The following WASF2 variants were observed in gnomAD, a reference collection of about 807,000 sequenced individuals.
WASF2 encodes the protein actin-binding protein WASF2.
WASF2 carries 14 observed loss-of-function variants against 45.0 expected under a neutral mutation model. The observed-to-expected ratio is 0.31, with a 90% CI of 0.21 to 0.49. The LOEUF (loss-of-function observed/expected upper bound fraction) is 0.49. WASF2 is among the 20% of genes least tolerant of loss of function. The pLI, the probability that WASF2 is intolerant of heterozygous loss-of-function variation, is 0.99. For synonymous variants in WASF2, 200 were observed against 236.3 expected, an observed-to-expected ratio of 0.85 and a Z score of 1.41; for missense variants, 439 against 636.1, an observed-to-expected ratio of 0.69 and a Z score of 3.33.
At chr1:27,459,595 A>G (rs777032352) in intron 1 of WASF2, 2 of 152,224 alleles carry the variant, frequency 1.3e-5, no homozygotes, top group Admixed American at 6.5e-5. Flanking sequence ...AAAAATAAAA[A>G]TGTAATCAAG....
chr1:27,421,498 C>A (rs2016907365), intron 2 of WASF2, among the ~76,000 whole-genome samples: 1 of 151,754 alleles, frequency 6.6e-6, no homozygotes, highest in Non-Finnish European at 1.5e-5. Context: ...GGCAATATGG[C>A]AAAACCCTGC....
intron 1 of WASF2, among the ~76,000 whole-genome samples, chr1:27,478,720 T>C (rs2017805123): frequency 6.6e-6 from 1 of 151,988 alleles, no homozygotes; most frequent in African/African-American, 2.4e-5. Context: ...GTAGCTGGGA[T>C]TACAGGCATC....
At chr1:27,412,112 A>G (rs978019305) in intron 7 of WASF2, among the ~76,000 whole-genome samples, 5 of 152,250 alleles carry the variant, frequency 3.3e-5, no homozygotes, top group Admixed American at 1.3e-4. Flanking sequence ...GAGGACTCCT[A>G]TGAGAATTAA....
intron 2 of WASF2, among the ~76,000 whole-genome samples, chr1:27,425,838 C>CAAAAAAA (rs57916899): frequency 3.8e-4 from 19 of 50,596 alleles, no homozygotes; most frequent in African/African-American, 1.6e-3. Context: ...GACTCCGTCT[C>CAAAAAAA]AAAAAAAAAA....
rs930955485 is a variant in WASF2, at chr1:27,423,142, A to G, written c.131-4054T>C. ...GGCAACGGAGTGAGACTCCATCTCAAAAAAAAAAAAAAAAAAAGTGTTAAT... is the reference window on the plus strand; with the variant it reads ...GGCAACGGAGTGAGACTCCATCTCAGAAAAAAAAAAAAAAAAAGTGTTAAT... On this transcript the variant is annotated intron_variant, in intron 2 of 8. Coordinates refer to ENST00000618852, the MANE Select transcript of WASF2 (RefSeq NM_006990.5). 1.3e-3 allele frequency among the ~76,000 whole-genome samples: 19 copies of G among 15,174 alleles called. 1 individual carries two copies. In the Middle Eastern group the frequency reaches 0.17, roughly 133 times the overall value. 10.0% of individuals were successfully genotyped at this position (15,174 alleles called of 152,430 possible).
Position 27,408,265 on chromosome 1 carries a change from G to C in WASF2, c.1421C>G (p.Ser474Cys). ...VVGNDVATIL[S>C]RRIAVEYSDS... ...ACTGTACTCAACAGCAATGCGACGA[G>C]ACAAGATGGTGGCCACGTCATTGCC... Residue 474 changes from serine (S) to cysteine (C), a missense_variant, in exon 9 of 9, where the codon TCT (serine) becomes TGT (cysteine). Around this residue, in one of 5 missense-constraint regions of WASF2, gnomAD observed 286 missense variants for 373.5 expected, o/e 0.77. Coordinates refer to ENST00000618852, the MANE Select transcript of WASF2 (RefSeq NM_006990.5). 1 of 1,614,222 alleles carries C rather than the reference G, an allele frequency of 6.2e-7. No homozygotes were observed. The highest frequency in any genetic ancestry group is 8.5e-7 in the Non-Finnish European group (1 of 1,180,042).
At chr1:27,465,253 T>C (rs531614264) in intron 1 of WASF2, among the ~76,000 whole-genome samples, 4 of 152,318 alleles carry the variant, frequency 2.6e-5, no homozygotes, top group Non-Finnish European at 2.9e-5. Context: ...TGCACTCTAA[T>C]AAAGACTAAG....
chr1:27,453,085 C>T (rs1331183042), intron 1 of WASF2, among the ~76,000 whole-genome samples: 1 of 147,522 alleles, frequency 6.8e-6, no homozygotes, highest in East Asian at 2.1e-4. Flanking sequence ...TACACAGCTG[C>T]AGTCTCAGCT....
intron 1 of WASF2, among the ~76,000 whole-genome samples, chr1:27,469,943 C>CAAA (rs368527250): frequency 1.4e-5 from 2 of 139,692 alleles, no homozygotes; most frequent in East Asian, 4.1e-4. Context: ...GACTCTGTGT[C>CAAA]AAAAAAAAAA....
intron 1 of WASF2, among the ~76,000 whole-genome samples, chr1:27,445,840 C>CTT (rs557290282): frequency 8.5e-5 from 12 of 140,488 alleles, no homozygotes; most frequent in East Asian, 6.2e-4. Flanking sequence ...TCATCAGGGA[C>CTT]TTTTTTTTTT....
chr1:27,455,258 T>C (rs1430765702), intron 1 of WASF2, among the ~76,000 whole-genome samples: 1 of 152,094 alleles, frequency 6.6e-6, no homozygotes, highest in Non-Finnish European at 1.5e-5. Context: ...ACTTTTTGTT[T>C]TTCCAAAACA....
intron 1 of WASF2, among the ~76,000 whole-genome samples, chr1:27,466,395 A>C (rs909474190): frequency 2.0e-5 from 3 of 152,200 alleles, no homozygotes; most frequent in African/African-American, 4.8e-5. Context: ...ACAGAATAAT[A>C]CACCACCACT....
Position 27,416,072 on chromosome 1 carries a change from G to T in WASF2, c.450C>A (p.Tyr150Ter). ...GATCAAAGAAGTATGAAGGGTCTGT[G>T]TAGAATTTGAGTGCCTCTTTTCCAT... ...RDDGKEALKF[Y>*]TDPSYFFDLW... The change falls in exon 5 of 9, where the codon TAC becomes TAA. Residue 150 changes from tyrosine (Y) to a stop codon, truncating the protein, a stop_gained. Coordinates refer to ENST00000618852, the MANE Select transcript of WASF2 (RefSeq NM_006990.5). LOFTEE classifies it high-confidence loss of function. The T allele has an allele frequency of 6.2e-7, 1 of 1,614,074 alleles. No homozygotes were observed. The highest frequency in any genetic ancestry group is 2.2e-5 in the East Asian group (1 of 44,880).
chr1:27,439,784 A>G (rs1240268519), intron 1 of WASF2, among the ~76,000 whole-genome samples: 2 of 151,668 alleles, frequency 1.3e-5, no homozygotes, highest in Non-Finnish European at 2.9e-5. Flanking sequence ...GGATCACTTC[A>G]GCCTAGGAGG....
At chr1:27,475,820 G>T (rs961490895) in intron 1 of WASF2, among the ~76,000 whole-genome samples, 1 of 152,126 alleles carries the variant, frequency 6.6e-6, no homozygotes, top group African/African-American at 2.4e-5. Flanking sequence ...TAGGGATGGG[G>T]TTTCACCATG....
intron 1 of WASF2, among the ~76,000 whole-genome samples, chr1:27,461,122 G>A (rs890835309): frequency 3.3e-5 from 5 of 151,820 alleles, no homozygotes; most frequent in Non-Finnish European, 7.4e-5. Flanking sequence ...CTCCAGCCTG[G>A]GTGACAGAGC....
chr1:27,457,852 G>A (rs943297305), intron 1 of WASF2, among the ~76,000 whole-genome samples: 1 of 151,842 alleles, frequency 6.6e-6, no homozygotes, highest in African/African-American at 2.4e-5. Context: ...AAATTCCTGG[G>A]CCTCAAGCAA....
At chr1:27,461,000 T>C (rs2148131238) in intron 1 of WASF2, among the ~76,000 whole-genome samples, 1 of 151,730 alleles carries the variant, frequency 6.6e-6, no homozygotes, top group East Asian at 1.9e-4. Flanking sequence ...CAAAAAATTA[T>C]CTGGGGGTGT....
intron 1 of WASF2, among the ~76,000 whole-genome samples, chr1:27,466,408 T>C (rs181000419): frequency 1.3e-5 from 2 of 152,144 alleles, no homozygotes; most frequent in Non-Finnish European, 2.9e-5. Flanking sequence ...CCACCACTTA[T>C]GAAGTATTAT....
Sources: gnomAD v4.1 joint callset for allele counts (sites outside exome capture counted in the v4.1 genomes callset) on GRCh38, gnomAD v4.1.1 for gene constraint, gnomAD v4.1.1 regional missense constraint, MANE v1.5 for transcripts, NCBI Gene and HGNC (gene_info 2026-07-23, HGNC 2026-07-21) for gene names.